Variants in DACH2 observed in about 807,000 individuals in gnomAD.
The protein encoded by DACH2 is dachshund family transcription factor 2, also known as dachshund homolog 2.
In DACH2, 17 loss-of-function variants were observed where a neutral mutation model predicts 35.8. That is an observed-to-expected ratio of 0.48 (90% CI 0.33 to 0.71). The LOEUF (loss-of-function observed/expected upper bound fraction) is 0.71, where lower values mean the gene tolerates loss of function less well. DACH2 is among the 30% of genes least tolerant of loss of function. DACH2 has a pLI of 0.02. For synonymous variants in DACH2, 195 were observed against 177.3 expected (o/e 1.10, Z -0.79); for missense variants, 469 against 472.7 (o/e 0.99, Z 0.07).
intron 4 of DACH2, among the ~76,000 whole-genome samples, chrX:86,667,545 G>GAAGAAAGAAAGAAAGA (rs367810959): frequency 9.6e-5 from 3 of 31,360 alleles, no homozygotes; most frequent in East Asian, 2.2e-3. Context: ...AAGAAAGAAA[G>GAAGAAAGAAAGAAAGA]AAGAAAGAAA....
At chrX:86,516,112 A>G (rs1602599143) in intron 3 of DACH2, among the ~76,000 whole-genome samples, 1 of 111,863 alleles carries the variant, frequency 8.9e-6, no homozygotes, top group Non-Finnish European at 1.9e-5. Flanking sequence ...AAGATAATGA[A>G]TTTTCAACTT....
chrX:86,219,255 A>AT (rs200720762), intron 1 of DACH2, among the ~76,000 whole-genome samples: 4,418 of 109,219 alleles, frequency 0.04, 160 homozygotes, highest in African/African-American at 0.11. Flanking sequence ...TTTCCATGAA[A>AT]TTTTTTTTTT....
At chrX:86,790,855 T>C (rs778761271) in intron 7 of DACH2, among the ~76,000 whole-genome samples, 3 of 111,730 alleles carry the variant, frequency 2.7e-5, no homozygotes, top group Non-Finnish European at 3.8e-5. Flanking sequence ...TGTATAACTT[T>C]TGACTCTCCA....
At chrX:86,537,092 GC>G (rs1254162584) in intron 3 of DACH2, among the ~76,000 whole-genome samples, 2 of 111,093 alleles carry the variant, frequency 1.8e-5, no homozygotes, top group East Asian at 5.7e-4. Context: ...AGAAAGCTAT[GC>G]CCCACATTCC....
intron 2 of DACH2, among the ~76,000 whole-genome samples, chrX:86,480,729 A>G (rs1240491447): frequency 8.9e-6 from 1 of 112,448 alleles, no homozygotes; most frequent in Non-Finnish European, 1.9e-5. Context: ...GATGTTAGAA[A>G]TAAAAACCAT....
At chrX:86,229,965 C>A (rs1265715276) in intron 1 of DACH2, among the ~76,000 whole-genome samples, 1 of 110,696 alleles carries the variant, frequency 9.0e-6, no homozygotes, top group Non-Finnish European at 1.9e-5. Context: ...TTATCTTTTT[C>A]TCTTGTCTGA....
chrX:86,535,212 C>T (rs963528411), intron 3 of DACH2, among the ~76,000 whole-genome samples: 11 of 111,224 alleles, frequency 9.9e-5, no homozygotes, highest in African/African-American at 2.9e-4. Context: ...ATTTACTCAC[C>T]GTCTGTTACA....
intron 3 of DACH2, among the ~76,000 whole-genome samples, chrX:86,605,276 C>T (rs1022148328): frequency 9.1e-6 from 1 of 110,486 alleles, no homozygotes; most frequent in Non-Finnish European, 1.9e-5. Flanking sequence ...TATCTGAAAC[C>T]CCCCTTTAAA....
At position 86,332,162 on chromosome X, in the gene DACH2, A is replaced by G. The variant is rs375274657; in HGVS notation, c.489-44662A>G. ...GAATCCAGAAAACATTGTATGTGGT[A>G]GGTAAAATTTTTATGGCATGTTGAT... On this transcript the variant is annotated intron_variant, in intron 1 of 11. Coordinates refer to ENST00000373125, the MANE Select transcript of DACH2 (RefSeq NM_053281.3). 4.5e-5 allele frequency among the ~76,000 whole-genome samples: 5 copies of G among 111,605 alleles called. No individual in the cohort carries two copies. The East Asian group carries it at 1.4e-3, about 31-fold the overall frequency.
At chrX:86,296,252 G>T (rs1003962477) in intron 1 of DACH2, among the ~76,000 whole-genome samples, 2 of 102,825 alleles carry the variant, frequency 1.9e-5, no homozygotes, top group Non-Finnish European at 3.9e-5. Flanking sequence ...GTGATGGTGG[G>T]GGCCTGTAGT....
chrX:86,701,197 CTG>C (rs766763795), intron 5 of DACH2, among the ~76,000 whole-genome samples: 3 of 111,519 alleles, frequency 2.7e-5, no homozygotes, highest in African/African-American at 9.8e-5. Flanking sequence ...GCATCCAAGA[CTG>C]TTTCAATATA....
At chrX:86,238,756 T>C (rs2033106497) in intron 1 of DACH2, among the ~76,000 whole-genome samples, 1 of 111,302 alleles carries the variant, frequency 9.0e-6, no homozygotes, top group African/African-American at 3.3e-5. Flanking sequence ...AACATGAAAT[T>C]AATACAAATA....
At chrX:86,529,977 G>A (rs5923549) in intron 3 of DACH2, among the ~76,000 whole-genome samples, 28,419 of 83,527 alleles carry the variant, frequency 0.34, 4,577 homozygotes, top group Middle Eastern at 0.45. Flanking sequence ...ACACACACAC[G>A]CACACACACA....
intron 1 of DACH2, among the ~76,000 whole-genome samples, chrX:86,294,504 T>G (rs962149097): frequency 2.9e-4 from 32 of 111,039 alleles, no homozygotes; most frequent in African/African-American, 9.5e-4. Context: ...GTCGCTCTGC[T>G]TTTTAGAGTT....
At chrX:86,817,263 T>C (rs1333584981) in intron 11 of DACH2, among the ~76,000 whole-genome samples, 3 of 111,509 alleles carry the variant, frequency 2.7e-5, no homozygotes, top group African/African-American at 9.8e-5. Context: ...GCTTGCCTAC[T>C]TTATTCCCTC....
chrX:86,640,428 C>T (rs2016857302), intron 3 of DACH2, among the ~76,000 whole-genome samples: 1 of 111,804 alleles, frequency 8.9e-6, no homozygotes, highest in African/African-American at 3.3e-5. Flanking sequence ...CATAACCAGA[C>T]AGTAAACCCC....
chrX:86,822,277 C>T (rs774497741), intron 11 of DACH2, among the ~76,000 whole-genome samples: 3 of 111,624 alleles, frequency 2.7e-5, no homozygotes, highest in East Asian at 2.8e-4. Flanking sequence ...TGCTACCACA[C>T]GAATCTGTGG....
chrX:86,526,361 A>C (rs1396019361), intron 3 of DACH2, among the ~76,000 whole-genome samples: 1 of 111,669 alleles, frequency 9.0e-6, no homozygotes, highest in Non-Finnish European at 1.9e-5. Context: ...CCTTTTAAAA[A>C]TTGATAGACA....
At chrX:86,757,671 A>G (rs141204073) in intron 7 of DACH2, among the ~76,000 whole-genome samples, 1 of 111,407 alleles carries the variant, frequency 9.0e-6, no homozygotes, top group Non-Finnish European at 1.9e-5. Flanking sequence ...ATGGCGTATG[A>G]GTTCTCACAA....
Sources: allele counts gnomAD v4.1 joint callset (sites outside exome capture counted in the v4.1 genomes callset), GRCh38; gene constraint gnomAD v4.1.1; transcripts MANE v1.5; gene names NCBI Gene and HGNC (gene_info 2026-07-23, HGNC 2026-07-21).